Variants in DACH1 observed in about 807,000 individuals in gnomAD.
DACH1 encodes dachshund family transcription factor 1, also known as dachshund homolog 1.
In DACH1, 12 loss-of-function variants were observed where a neutral mutation model predicts 54.2. The ratio of observed to expected loss-of-function variants is 0.22; its 90% CI spans 0.14 to 0.36. The LOEUF (loss-of-function observed/expected upper bound fraction) is 0.36, where lower values mean the gene tolerates loss of function less well. Ranked by LOEUF, DACH1 falls within the 10% of genes least tolerant of loss-of-function variation. The probability of loss-of-function intolerance (pLI) is 1.00; values close to 1 mark genes in which losing one functional copy is unlikely to be tolerated. For missense variants in DACH1, 805 were observed against 929.8 expected (o/e 0.87, Z 1.75); for synonymous variants, 386 against 366.2 (o/e 1.05, Z -0.62).
At chr13:71,524,644 A>C (rs1278594804) in intron 6 of DACH1, among the ~76,000 whole-genome samples, 1 of 152,102 alleles carries the variant, frequency 6.6e-6, no homozygotes, top group Non-Finnish European at 1.5e-5. Flanking sequence ...GACAGAAATA[A>C]AAAAAATGAA....
chr13:71,573,290 G>A, intron 3 of DACH1: 2 of 612,656 alleles, frequency 3.3e-6, no homozygotes, highest in Non-Finnish European at 5.8e-6. Context: ...AAATACTAGG[G>A]TTTTCTTTAA....
At chr13:71,632,539 G>A (rs1408870896) in intron 2 of DACH1, among the ~76,000 whole-genome samples, 3 of 151,172 alleles carry the variant, frequency 2.0e-5, no homozygotes, top group South Asian at 2.1e-4. Flanking sequence ...CCTGAGCACC[G>A]CTCTCCTCCT....
chr13:71,823,961 T>C (rs999699336), intron 1 of DACH1, among the ~76,000 whole-genome samples: 4 of 151,998 alleles, frequency 2.6e-5, no homozygotes, highest in African/African-American at 9.7e-5. Flanking sequence ...GTAAATTCTG[T>C]TAATTTACTG....
chr13:71,638,373 AG>A (rs1877644711), intron 2 of DACH1, among the ~76,000 whole-genome samples: 1 of 152,208 alleles, frequency 6.6e-6, no homozygotes, highest in Non-Finnish European at 1.5e-5. Context: ...ATTAATACGC[AG>A]TCCTGGTTCC....
intron 1 of DACH1, among the ~76,000 whole-genome samples, chr13:71,697,810 T>C (rs1209787973): frequency 2.0e-5 from 3 of 152,148 alleles, no homozygotes; most frequent in African/African-American, 4.8e-5. Flanking sequence ...TTTAATACCA[T>C]TGGAAGGCTA....
chr13:71,560,337 T>C (rs147292605), intron 4 of DACH1, among the ~76,000 whole-genome samples: 146 of 152,258 alleles, frequency 9.6e-4, no homozygotes, highest in Middle Eastern at 3.4e-3. Context: ...TTCCCTTATT[T>C]CTGCAAGTAT....
In DACH1 at chr13:71,475,137, C is replaced by T. The variant is rs1877400333; in HGVS notation, c.2083+4G>A. 1 of 1,613,588 alleles carries T rather than the reference C, an allele frequency of 6.2e-7. No individual in the cohort carries two copies. The highest frequency in any genetic ancestry group is 8.5e-7 in the Non-Finnish European group (1 of 1,179,576). On this transcript the variant is annotated splice_donor_region_variant and intron_variant, in intron 10 of 10. Coordinates refer to ENST00000613252, the MANE Select transcript of DACH1 (RefSeq NM_080759.6). ...TAGATTTATAGCCTTCTGCAAATTCCTACCTTGTATTGTCCTTTCAGCATC... is the reference window on the plus strand; with the variant it reads ...TAGATTTATAGCCTTCTGCAAATTCTTACCTTGTATTGTCCTTTCAGCATC...
intron 3 of DACH1, among the ~76,000 whole-genome samples, chr13:71,627,086 A>G (rs1336045499): frequency 1.3e-5 from 2 of 151,992 alleles, no homozygotes; most frequent in Non-Finnish European, 2.9e-5. Context: ...TTTTGTTGGA[A>G]AGATATGAGC....
At chr13:71,694,412 C>A (rs763141368) in intron 1 of DACH1, among the ~76,000 whole-genome samples, 8 of 152,136 alleles carry the variant, frequency 5.3e-5, no homozygotes, top group Non-Finnish European at 1.0e-4. Flanking sequence ...CTGTTTCCAG[C>A]CTGCAGAGAT....
intron 2 of DACH1, among the ~76,000 whole-genome samples, chr13:71,662,147 T>C (rs1317973916): frequency 6.6e-6 from 1 of 151,464 alleles, no homozygotes; most frequent in Non-Finnish European, 1.5e-5. Context: ...ATATGTAGAG[T>C]TTGTCAGCAG....
intron 1 of DACH1, among the ~76,000 whole-genome samples, chr13:71,787,938 G>A (rs540079546): frequency 6.6e-6 from 1 of 152,146 alleles, no homozygotes; most frequent in African/African-American, 2.4e-5. Context: ...TAACTGAAAG[G>A]AGCTCAAATA....
At chr13:71,641,785 G>GAC (rs1365904138) in intron 2 of DACH1, among the ~76,000 whole-genome samples, 4 of 152,080 alleles carry the variant, frequency 2.6e-5, no homozygotes, top group Non-Finnish European at 5.9e-5. Context: ...GTGTGACTTA[G>GAC]ACAAATTACT....
intron 2 of DACH1, among the ~76,000 whole-genome samples, chr13:71,635,038 C>CGT (rs1175399174): frequency 1.3e-5 from 2 of 152,124 alleles, no homozygotes; most frequent in Non-Finnish European, 2.9e-5. Flanking sequence ...ATACTTTCTT[C>CGT]GTATATATAT....
rs755515775 is a variant in DACH1, at chr13:71,440,612, C to T, written c.*43G>A. On this transcript the variant is annotated 3_prime_UTR_variant, in exon 11 of 11. Coordinates refer to ENST00000613252, the MANE Select transcript of DACH1 (RefSeq NM_080759.6). ...CTTTCCCATGACGAATGTCTGACTG[C>T]AAAGTTCTTTTCTATAACATGGATT... The T allele has an allele frequency of 5.9e-6, 9 of 1,528,814 alleles. No individual in the cohort carries two copies. The highest frequency in any genetic ancestry group is 2.4e-5 in the South Asian group (2 of 81,920). 94.7% of individuals were successfully genotyped at this position (1,528,814 alleles called of 1,614,324 possible).
chr13:71,681,123 G>C (rs769740805), intron 2 of DACH1, among the ~76,000 whole-genome samples: 2 of 151,908 alleles, frequency 1.3e-5, no homozygotes, highest in Non-Finnish European at 2.9e-5. Flanking sequence ...AAACAATAAA[G>C]ATGGGCAAAC....
intron 4 of DACH1, 65 bp downstream of exon 4, chr13:71,572,775 A>G: frequency 6.6e-7 from 1 of 1,506,060 alleles, no homozygotes; most frequent in Non-Finnish European, 9.0e-7. Flanking sequence ...GGAATAAGAA[A>G]AATGGATTAA....
rs971807667 is a variant in DACH1 at position 71,866,425 on chromosome 13, G to T, written c.345C>A (p.Ser115Arg). 4.2e-6 allele frequency: 6 copies of T among 1,412,536 alleles called. No individual in the cohort carries two copies. Among genetic ancestry groups the T allele is most frequent in the African/African-American group, 3.0e-5 (2 of 67,144 alleles). 87.5% of individuals were successfully genotyped at this position (1,412,536 alleles called of 1,614,324 possible). A position where few individuals can be genotyped will look rare whatever the true frequency, so the allele number is the denominator to read the frequency against. The change falls in exon 1 of 11, where the codon AGC (serine) becomes AGA (arginine). Residue 115 changes from serine to arginine, a missense_variant. By Grantham distance (110) the Ser-to-Arg change is moderately radical. This residue lies in a region of DACH1 where 305 missense variants were observed against 308.7 expected (regional missense o/e 0.99). Coordinates refer to ENST00000613252, the MANE Select transcript of DACH1 (RefSeq NM_080759.6). ...CGCTGATGCCGCCGCCGCCGCCGCCGCTGCCGTTGCTCGCGGCCGCCAGGT... is the reference window on the plus strand; with the variant it reads ...CGCTGATGCCGCCGCCGCCGCCGCCTCTGCCGTTGCTCGCGGCCGCCAGGT... ...NPNLAAASNG[S>R]GGGGGGISAG...
chr13:71,488,968 T>A, intron 7 of DACH1, 29 bp downstream of exon 7: 1 of 1,601,246 alleles, frequency 6.2e-7, no homozygotes. Context: ...GTTCCATATG[T>A]CTTTCTTCCA....
At chr13:71,493,709 C>A (rs1021705039) in intron 6 of DACH1, among the ~76,000 whole-genome samples, 1 of 152,016 alleles carries the variant, frequency 6.6e-6, no homozygotes, top group Admixed American at 6.6e-5. Context: ...TAGGACCACA[C>A]AAATGTAAAA....
Sources: allele counts gnomAD v4.1 joint callset (sites outside exome capture counted in the v4.1 genomes callset), GRCh38; gene constraint gnomAD v4.1.1; regional missense constraint gnomAD v4.1.1; transcripts MANE v1.5; gene names NCBI Gene and HGNC (gene_info 2026-07-23, HGNC 2026-07-21).